Variants in PCDHA13 observed in about 807,000 individuals in gnomAD.
The protein encoded by PCDHA13 is protocadherin alpha 13.
Under a neutral mutation model 64.8 loss-of-function variants are expected in PCDHA13, and 54 were observed. The observed-to-expected ratio is 0.83, with a 90% CI of 0.67 to 1.04. PCDHA13 has a LOEUF of 1.04. Ranked by LOEUF, PCDHA13 falls within the 50% of genes least tolerant of loss-of-function variation. PCDHA13 has a pLI of 0.00. For synonymous variants in PCDHA13, 587 were observed against 564.4 expected, an observed-to-expected ratio of 1.04 and a Z score of -0.57; for missense variants, 1,248 against 1,254.3, an observed-to-expected ratio of 0.99 and a Z score of 0.08.
At chr5:140,966,543 A>T (rs200134570) in intron 1 of PCDHA13, 4 of 461,074 alleles carry the variant, frequency 8.7e-6, no homozygotes, top group Non-Finnish European at 1.5e-5. Context: ...AGCGACTCGG[A>T]GGCGAGCGGA....
At chr5:140,987,235 TAAAG>T (rs1182642222) in intron 3 of PCDHA13, among the ~76,000 whole-genome samples, 2 of 151,266 alleles carry the variant, frequency 1.3e-5, no homozygotes, top group African/African-American at 2.4e-5. Flanking sequence ...AAATAATAAA[TAAAG>T]AAAGAAAGAC....
At chr5:140,976,566 A>C (rs2096723160) in intron 1 of PCDHA13, among the ~76,000 whole-genome samples, 2 of 152,098 alleles carry the variant, frequency 1.3e-5, no homozygotes, top group African/African-American at 4.8e-5. Flanking sequence ...TAAATAAATA[A>C]ATATAAATAA....
At chr5:140,929,034 C>A in intron 1 of PCDHA13, 4 of 1,614,158 alleles carry the variant, frequency 2.5e-6, no homozygotes, top group Non-Finnish European at 3.4e-6. Flanking sequence ...CAGGCTGTTG[C>A]GCTCAGAGCT....
intron 1 of PCDHA13, among the ~76,000 whole-genome samples, chr5:140,956,666 G>T (rs1232573740): frequency 6.6e-6 from 1 of 152,088 alleles, no homozygotes; most frequent in African/African-American, 2.4e-5. Flanking sequence ...GGCCTTAAAG[G>T]AGTTAGGGAG....
intron 3 of PCDHA13, among the ~76,000 whole-genome samples, chr5:141,007,362 G>A (rs1554261189): frequency 6.8e-6 from 1 of 146,590 alleles, no homozygotes; most frequent in Non-Finnish European, 1.5e-5. Context: ...ACCAGCCTGG[G>A]CAACATGATG....
intron 2 of PCDHA13, among the ~76,000 whole-genome samples, chr5:140,980,159 A>G (rs2153821002): frequency 6.6e-6 from 1 of 152,326 alleles, no homozygotes; most frequent in Admixed American, 6.5e-5. Context: ...ATACCAGAAT[A>G]TTAGGTATCA....
chr5:140,943,657 C>T (rs531235288), intron 1 of PCDHA13, among the ~76,000 whole-genome samples: 51 of 151,756 alleles, frequency 3.4e-4, no homozygotes, highest in African/African-American at 1.2e-3. Flanking sequence ...CATCTATGAA[C>T]AATGTATAAA....
chr5:140,933,379 G>T (rs1403607512), intron 1 of PCDHA13, among the ~76,000 whole-genome samples: 1 of 151,928 alleles, frequency 6.6e-6, no homozygotes, highest in Non-Finnish European at 1.5e-5. Flanking sequence ...TTCCTTGGCT[G>T]TTCCTAGAGC....
intron 1 of PCDHA13, among the ~76,000 whole-genome samples, chr5:140,895,617 G>T (rs782388218): frequency 6.6e-6 from 1 of 152,084 alleles, no homozygotes; most frequent in Non-Finnish European, 1.5e-5. Context: ...CTCATTGAGG[G>T]TGTTGTCTTT....
At chr5:140,954,919 C>A (rs246021) in intron 1 of PCDHA13, among the ~76,000 whole-genome samples, 85,722 of 151,952 alleles carry the variant, frequency 0.56, 24,790 homozygotes, top group African/African-American at 0.69. Flanking sequence ...TTATGAATTA[C>A]GTCTTTAATT....
In PCDHA13 at chr5:140,883,508, G is replaced by C. The variant is rs939760233; in HGVS notation, c.1240G>C (p.Asp414His). 19 of 1,614,202 alleles carry C rather than the reference G, an allele frequency of 1.2e-5. No homozygotes were observed. Among genetic ancestry groups the C allele is most frequent in the Non-Finnish European group, 1.5e-5 (18 of 1,180,046 alleles). Reference sequence around the variant, plus strand: ...CTCATTAGTGCTGGACAGCGCCCTGGACCGCGAGAGCGTATCAGCCTATGA... The same window carrying C: ...CTCATTAGTGCTGGACAGCGCCCTGCACCGCGAGAGCGTATCAGCCTATGA... ...YYSLVLDSAL[D>H]RESVSAYELV... The change falls in exon 1 of 4, where the codon GAC becomes CAC. Residue 414 changes from aspartate (D) to histidine (H), a missense_variant. Physicochemically the swap from Asp to His is moderately conservative, Grantham distance 81. Transcript: ENST00000289272.
At chr5:140,888,752 C>A (rs782384703) in intron 1 of PCDHA13, among the ~76,000 whole-genome samples, 44 of 151,842 alleles carry the variant, frequency 2.9e-4, no homozygotes, top group Non-Finnish European at 5.7e-4. Context: ...TTATTCTACC[C>A]ACTTTTTTTT....
intron 1 of PCDHA13, among the ~76,000 whole-genome samples, chr5:140,949,891 T>G (rs2094429972): frequency 6.6e-6 from 1 of 151,864 alleles, no homozygotes; most frequent in African/African-American, 2.4e-5. Context: ...TTCCTCAGAA[T>G]CTCTTTTAAT....
rs1425122045 is a variant in PCDHA13, at chr5:140,884,071, G to C, written c.1803G>C (p.Ser601=). The change falls in exon 1 of 4, where the codon TCG becomes TCC. Residue 601 remains serine (S), a synonymous_variant. Coordinates refer to ENST00000289272, the MANE Select transcript of PCDHA13 (RefSeq NM_018904.3). ...VAKVRAVDAD[S]GYNAWLSYEL... ...AGGTGCGCGCGGTGGACGCCGATTC[G>C]GGCTACAATGCGTGGCTTTCGTATG... 4.3e-6 allele frequency: 7 copies of C among 1,613,400 alleles called. No individual in the cohort carries two copies. The highest frequency in any genetic ancestry group is 2.7e-5 in the African/African-American group (2 of 74,978).
chr5:140,959,141 C>G (rs936183508), intron 1 of PCDHA13, among the ~76,000 whole-genome samples: 1 of 151,924 alleles, frequency 6.6e-6, no homozygotes, highest in Admixed American at 6.6e-5. Context: ...CTTTGGGAGG[C>G]CAAAGTGGGC....
chr5:140,969,283 T>A, intron 1 of PCDHA13: 61 of 1,614,200 alleles, frequency 3.8e-5, no homozygotes, highest in Non-Finnish European at 5.2e-5. Flanking sequence ...GTGGTCAGAA[T>A]GCTGGGAACC....
Position 140,951,753 on chromosome 5 carries a change from C to T in PCDHA13, c.2395-27196C>T, listed in dbSNP as rs140119406. ...ATTCTGCCACTGCCCTCACCCTCCGCGAAATCTCATGACGTTCTTACATTG... is the reference window on the plus strand; with the variant it reads ...ATTCTGCCACTGCCCTCACCCTCCGTGAAATCTCATGACGTTCTTACATTG... On this transcript the variant is annotated intron_variant, in intron 1 of 3. Transcript: ENST00000289272. Among the ~76,000 whole-genome samples the T allele has an allele frequency of 7.0e-3, 1,059 of 152,208 alleles. 11 individuals are homozygous for T. The highest frequency in any genetic ancestry group is 0.014 in the Admixed American group (209 of 15,290).
chr5:140,993,939 T>C (rs1449633283), intron 3 of PCDHA13, among the ~76,000 whole-genome samples: 5 of 152,198 alleles, frequency 3.3e-5, no homozygotes, highest in Non-Finnish European at 7.3e-5. Context: ...ATATCCCCAT[T>C]GTTAAGTGAT....
At chr5:140,900,177 A>G (rs1213706705) in intron 1 of PCDHA13, among the ~76,000 whole-genome samples, 1 of 152,194 alleles carries the variant, frequency 6.6e-6, no homozygotes, top group South Asian at 2.1e-4. Context: ...TGCCTGGTTT[A>G]TGTCACTTAT....
Sources: allele counts gnomAD v4.1 joint callset (sites outside exome capture counted in the v4.1 genomes callset), GRCh38; gene constraint gnomAD v4.1.1; transcripts MANE v1.5; gene names NCBI Gene and HGNC (gene_info 2026-07-23, HGNC 2026-07-21).